Variants in NKIRAS1 observed in about 807,000 individuals in gnomAD.
NKIRAS1 encodes NFKB inhibitor interacting Ras like 1.
In NKIRAS1, 16 loss-of-function variants were observed where a neutral mutation model predicts 19.8. The observed-to-expected ratio is 0.81, with a 90% CI of 0.55 to 1.23. The LOEUF (loss-of-function observed/expected upper bound fraction) is 1.23. Among genes scored for constraint, NKIRAS1 ranks in the 50% most tolerant of loss-of-function variants. The probability of loss-of-function intolerance (pLI) is 0.00; values close to 1 mark genes in which losing one functional copy is unlikely to be tolerated. For synonymous variants in NKIRAS1, 88 were observed against 79.0 expected (o/e 1.11, Z -0.61); for missense variants, 184 against 220.0 (o/e 0.84, Z 1.04).
At chr3:23,931,224 C>A (rs907225330) in intron 1 of NKIRAS1, among the ~76,000 whole-genome samples, 2 of 152,278 alleles carry the variant, frequency 1.3e-5, no homozygotes, top group African/African-American at 2.4e-5. Flanking sequence ...AAACAAAAAA[C>A]CAACGTTCCC....
At chr3:23,942,427 T>G (rs1705518703) in intron 1 of NKIRAS1, among the ~76,000 whole-genome samples, 1 of 152,132 alleles carries the variant, frequency 6.6e-6, no homozygotes, top group South Asian at 2.1e-4. Flanking sequence ...AGCCATAGTT[T>G]ATTTTTTCAT....
At position 23,934,855 on chromosome 3, in the gene NKIRAS1, AT is replaced by A. The variant is rs537859791; in HGVS notation, c.-140+11467del. On this transcript the variant is annotated intron_variant, in intron 1 of 4. Transcript: ENST00000421515. Reference sequence around the variant, plus strand: ...CTTGAAAAAAAAAAACTTACAGAGAATATCAGAAGACTTATTATCTCTGAAT... The same window carrying A: ...CTTGAAAAAAAAAAACTTACAGAGAAATCAGAAGACTTATTATCTCTGAAT... 4.2e-3 allele frequency among the ~76,000 whole-genome samples: 633 copies of A among 151,652 alleles called. 2 individuals carry two copies. Among genetic ancestry groups the A allele is most frequent in the African/African-American group, 0.011 (473 of 41,466 alleles).
intron 4 of NKIRAS1, among the ~76,000 whole-genome samples, chr3:23,895,442 G>A (rs1039450264): frequency 6.6e-6 from 1 of 152,076 alleles, no homozygotes; most frequent in Admixed American, 6.6e-5. Context: ...ACAACCTACT[G>A]GCTCTACTAC....
At chr3:23,940,081 G>C (rs1029557058) in intron 1 of NKIRAS1, among the ~76,000 whole-genome samples, 3 of 149,404 alleles carry the variant, frequency 2.0e-5, no homozygotes, top group Non-Finnish European at 4.4e-5. Context: ...CTGTAATCCT[G>C]GCACTTTGGG....
upstream of NKIRAS1, chr3:23,920,485 C>T (rs1705016457): frequency 2.0e-6 from 2 of 985,342 alleles, no homozygotes; most frequent in African/African-American, 3.5e-5. Context: ...TGTGCACCCA[C>T]TTTGACTATG....
chr3:23,934,404 T>C (rs898452590), intron 1 of NKIRAS1, among the ~76,000 whole-genome samples: 3 of 152,234 alleles, frequency 2.0e-5, no homozygotes, highest in African/African-American at 7.2e-5. Flanking sequence ...GCTGTCATAA[T>C]GATATGTCTC....
intron 1 of NKIRAS1, among the ~76,000 whole-genome samples, chr3:23,930,609 A>G (rs974600598): frequency 2.6e-5 from 4 of 152,150 alleles, no homozygotes; most frequent in Admixed American, 2.6e-4. Flanking sequence ...GACAATAACT[A>G]ATCTATATAT....
At chr3:23,905,728 C>T (rs1385434838) in intron 3 of NKIRAS1, among the ~76,000 whole-genome samples, 1 of 148,112 alleles carries the variant, frequency 6.8e-6, no homozygotes, top group Non-Finnish European at 1.5e-5. Flanking sequence ...TGAAGGCCAT[C>T]ATCACTGGAT....
rs530804316 is a variant in NKIRAS1, at chr3:23,945,006, CG to C, written c.-140+1316del. The stretch of plus-strand genomic sequence containing the variant: ...CCCGGCCAGAGGCGGGAAAGGCAGC[CG>C]GGAGGAGAGGAAAGAGGAGGAGGAG... On this transcript the variant is annotated intron_variant, in intron 1 of 4. Transcript: ENST00000421515. 7.2e-3 allele frequency among the ~76,000 whole-genome samples: 1,094 copies of C among 151,564 alleles called. 18 individuals carry two copies. Among genetic ancestry groups the C allele is most frequent in the African/African-American group, 0.025 (1,027 of 41,278 alleles).
At chr3:23,936,165 C>T (rs1190302516) in intron 1 of NKIRAS1, among the ~76,000 whole-genome samples, 1 of 148,166 alleles carries the variant, frequency 6.7e-6, no homozygotes, top group East Asian at 2.0e-4. Context: ...CTGAGAATAG[C>T]AGGTTTGTCC....
chr3:23,916,255 G>A (rs1292103746), intron 1 of NKIRAS1: 2 of 152,028 alleles, frequency 1.3e-5, no homozygotes, highest in East Asian at 1.9e-4. Context: ...TTAAATTAAA[G>A]CCAAGTGAAA....
In NKIRAS1 at chr3:23,926,348, G is replaced by A. The variant is rs72627086; in HGVS notation, c.-139-14898C>T. 3.7e-3 allele frequency among the ~76,000 whole-genome samples: 562 copies of A among 152,180 alleles called. 15 individuals carry two copies. The East Asian group carries it at 0.05, about 14-fold the overall frequency. On this transcript the variant is annotated intron_variant, in intron 1 of 4. Transcript: ENST00000421515. This position sits in a 1 kb window ranked among gnomAD's most constrained non-coding sequence, Gnocchi z 4.3. Reference sequence around the variant, plus strand: ...ATTATAGGTATGAGCCATGGCGCCCGGCCATAGTACTGACTTAGACCCTTG... The same window carrying A: ...ATTATAGGTATGAGCCATGGCGCCCAGCCATAGTACTGACTTAGACCCTTG...
In NKIRAS1 at chr3:23,942,716, C is replaced by T. The variant is rs191707995; in HGVS notation, c.-140+3607G>A. 6.3e-4 allele frequency among the ~76,000 whole-genome samples: 96 copies of T among 152,258 alleles called. 1 individual carries two copies. The highest frequency in any genetic ancestry group is 2.2e-3 in the African/African-American group (92 of 41,548). Reference sequence around the variant, plus strand: ...AAAGTGCTGGGTGAGCCACCGCTCCCGGCCTCAAAGCCACAGTTTACATTA... The same window carrying T: ...AAAGTGCTGGGTGAGCCACCGCTCCTGGCCTCAAAGCCACAGTTTACATTA... On this transcript the variant is annotated intron_variant, in intron 1 of 4. Transcript: ENST00000421515.
chr3:23,923,803 C>T (rs1705158976), intron 1 of NKIRAS1: 1 of 152,160 alleles, frequency 6.6e-6, no homozygotes, highest in East Asian at 1.9e-4. Flanking sequence ...TAGGAGAGGA[C>T]TTGTTTATCC....
In NKIRAS1 at chr3:23,892,450, T is replaced by A. The variant is rs1432785707; in HGVS notation, c.*645A>T. The stretch of plus-strand genomic sequence containing the variant: ...CAAGTATCTGGTCTATCAACAGGGG[T>A]CTGGCTAAGGAAAAAACGGCCTTAG... On this transcript the variant is annotated 3_prime_UTR_variant, in exon 5 of 5. Transcript: ENST00000425478. 6.6e-6 allele frequency: 1 copy of A among 152,064 alleles called. No homozygotes were observed. Among genetic ancestry groups the A allele is most frequent in the Non-Finnish European group, 1.5e-5 (1 of 68,024 alleles). The allele number at this position is 152,064 out of a possible 1,614,324, so 9.4% of individuals were successfully genotyped here. A position where few individuals can be genotyped will look rare whatever the true frequency, so the allele number is the denominator to read the frequency against.
intron 4 of NKIRAS1, among the ~76,000 whole-genome samples, chr3:23,895,930 T>G (rs973636543): frequency 8.6e-5 from 13 of 151,856 alleles, no homozygotes; most frequent in Non-Finnish European, 1.5e-4. Context: ...GTCAGGAGAT[T>G]GAGACCATCC....
upstream of NKIRAS1, chr3:23,921,457 C>T (rs551214398): frequency 3.3e-6 from 2 of 614,796 alleles, no homozygotes; most frequent in South Asian, 2.0e-5. Flanking sequence ...AAGCTTTACT[C>T]CAATATTAAG....
chr3:23,921,422 A>T (rs533067967), upstream of NKIRAS1, among the ~76,000 whole-genome samples: 1 of 152,290 alleles, frequency 6.6e-6, no homozygotes, highest in East Asian at 1.9e-4. Context: ...TACACCAAAC[A>T]CTTCCTAATG....
chr3:23,945,432 G>C (rs1376974064), intron 1 of NKIRAS1: 4 of 254,738 alleles, frequency 1.6e-5, no homozygotes, highest in African/African-American at 2.3e-5. Context: ...ACGGCCTGGG[G>C]CCCGGGAGCC....
Sources: gnomAD v4.1 joint callset for allele counts (sites outside exome capture counted in the v4.1 genomes callset) on GRCh38, gnomAD v4.1.1 for gene constraint, Gnocchi (gnomAD v3.1) non-coding constraint, MANE v1.5 for transcripts, NCBI Gene and HGNC (gene_info 2026-07-23, HGNC 2026-07-21) for gene names.